Variants in CADM2 observed in about 807,000 individuals in gnomAD.
The protein encoded by CADM2 is cell adhesion molecule 2, also known as immunoglobulin superfamily member 4D.
In CADM2, 12 loss-of-function variants were observed where a neutral mutation model predicts 49.8. The observed-to-expected ratio is 0.24, with a 90% confidence interval of 0.15 to 0.39. The LOEUF (loss-of-function observed/expected upper bound fraction) is 0.39, where lower values mean the gene tolerates loss of function less well. CADM2 is among the 10% of genes least tolerant of loss of function. The pLI, the probability that CADM2 is intolerant of heterozygous loss-of-function variation, is 1.00. For missense variants in CADM2, 378 were observed against 492.3 expected (o/e 0.77, Z 2.20); for synonymous variants, 214 against 175.4 (o/e 1.22, Z -1.74).
chr3:85,495,415 T>C (rs193281033), intron 1 of CADM2, among the ~76,000 whole-genome samples: 96 of 152,268 alleles, frequency 6.3e-4, no homozygotes, highest in African/African-American at 2.1e-3. Flanking sequence ...TCGTTATTTC[T>C]TCCTTTAGCT....
At chr3:85,029,867 C>CA (rs1294316360) in intron 1 of CADM2, among the ~76,000 whole-genome samples, 1 of 152,212 alleles carries the variant, frequency 6.6e-6, no homozygotes, top group Non-Finnish European at 1.5e-5. Flanking sequence ...GGACATTTCT[C>CA]ATGTTCCTTC....
chr3:85,141,483 A>G (rs2039575044), intron 1 of CADM2, among the ~76,000 whole-genome samples: 1 of 152,184 alleles, frequency 6.6e-6, no homozygotes. Flanking sequence ...GATGCTATTC[A>G]TGGAAAAAGA....
intron 1 of CADM2, among the ~76,000 whole-genome samples, chr3:85,427,868 T>C (rs1315028892): frequency 3.9e-5 from 6 of 152,086 alleles, no homozygotes; most frequent in African/African-American, 1.4e-4. Flanking sequence ...TTTCAGTCCT[T>C]ATACGTGAAA....
intron 1 of CADM2, among the ~76,000 whole-genome samples, chr3:85,115,143 C>T (rs2038597409): frequency 6.6e-6 from 1 of 152,184 alleles, no homozygotes. Flanking sequence ...CTTTCTTTAA[C>T]TACTTGAATG....
At chr3:84,974,233 G>GTA (rs35432857) in intron 1 of CADM2, among the ~76,000 whole-genome samples, 47,950 of 148,886 alleles carry the variant, frequency 0.32, 7,745 homozygotes, top group Middle Eastern at 0.36. Flanking sequence ...GTAATTATAT[G>GTA]TATATATATA....
At chr3:85,369,315 T>G (rs1055992063) in intron 1 of CADM2, among the ~76,000 whole-genome samples, 1 of 152,206 alleles carries the variant, frequency 6.6e-6, no homozygotes, top group African/African-American at 2.4e-5. Context: ...ATATCATGAC[T>G]ACATATATGA....
chr3:85,973,733 A>T (rs1726443276), intron 8 of CADM2, among the ~76,000 whole-genome samples: 2 of 151,774 alleles, frequency 1.3e-5, no homozygotes, highest in Admixed American at 1.3e-4. Context: ...AGGGACAGAA[A>T]TGGATATAGA....
chr3:85,531,683 A>T (rs2061313108), intron 1 of CADM2, among the ~76,000 whole-genome samples: 2 of 152,180 alleles, frequency 1.3e-5, no homozygotes, highest in African/African-American at 2.4e-5. Context: ...AGGAAAATAC[A>T]TATCCTTTTA....
At chr3:85,651,908 C>T (rs1014005966) in intron 1 of CADM2, among the ~76,000 whole-genome samples, 7 of 151,014 alleles carry the variant, frequency 4.6e-5, no homozygotes, top group South Asian at 2.1e-4. Flanking sequence ...AGCTCTGCCT[C>T]CCCGGTTCAC....
chr3:86,069,672 G>A lies in CADM2; in HGVS notation c.*2889G>A, dbSNP rs1244679511. On this transcript the variant is annotated 3_prime_UTR_variant, in exon 10 of 10. Coordinates refer to ENST00000383699, the MANE Select transcript of CADM2 (RefSeq NM_001167675.2). ...CTGTCTCTTCTAAGTGAGCACAGTAGGTAGGGAACTCAATGGAAGCAGTGT... is the reference window on the plus strand; with the variant it reads ...CTGTCTCTTCTAAGTGAGCACAGTAAGTAGGGAACTCAATGGAAGCAGTGT... 2 of 151,908 alleles carry A rather than the reference G, an allele frequency of 1.3e-5. No homozygotes were observed. The highest frequency in any genetic ancestry group is 2.4e-5 in the African/African-American group (1 of 41,410). 9.4% of individuals were successfully genotyped at this position (151,908 alleles called of 1,614,324 possible). A position where few individuals can be genotyped will look rare whatever the true frequency, so the allele number is the denominator to read the frequency against.
chr3:86,041,952 G>T (rs376114770), intron 8 of CADM2, among the ~76,000 whole-genome samples: 1 of 152,082 alleles, frequency 6.6e-6, no homozygotes, highest in Non-Finnish European at 1.5e-5. Context: ...CTACGTGGAA[G>T]CTGAACAACC....
chr3:84,999,710 C>T (rs531707214), intron 1 of CADM2, among the ~76,000 whole-genome samples: 14 of 152,204 alleles, frequency 9.2e-5, no homozygotes, highest in East Asian at 1.9e-4. Context: ...CTGCACATGT[C>T]GGCAAATGAC....
chr3:85,389,650 A>C (rs1377681742), intron 1 of CADM2, among the ~76,000 whole-genome samples: 3 of 152,160 alleles, frequency 2.0e-5, no homozygotes, highest in East Asian at 3.9e-4. Context: ...GTTACTAGAG[A>C]CATTTCCTAT....
At chr3:85,726,425 A>G in intron 1 of CADM2, 97 bp from the exon 2 acceptor site, 2 of 1,294,556 alleles carry the variant, frequency 1.5e-6, no homozygotes, top group Non-Finnish European at 2.2e-6. Context: ...TACTCTTTAG[A>G]CTTTAATAGC....
At chr3:85,830,475 G>T (rs184016590) in intron 3 of CADM2, among the ~76,000 whole-genome samples, 1 of 151,928 alleles carries the variant, frequency 6.6e-6, no homozygotes, top group Admixed American at 6.6e-5. Flanking sequence ...CCCATAAGTT[G>T]CCTTTCATTT....
intron 1 of CADM2, among the ~76,000 whole-genome samples, chr3:85,131,341 G>A (rs2039221512): frequency 6.6e-6 from 1 of 152,318 alleles, no homozygotes; most frequent in East Asian, 1.9e-4. Context: ...ATGAGAATAT[G>A]TAAGTTATCT....
Position 85,988,108 on chromosome 3 carries a change from G to A in CADM2, c.970+26461G>A, listed in dbSNP as rs144079076. Among the ~76,000 whole-genome samples the A allele has an allele frequency of 1.6e-4, 24 of 152,262 alleles. No homozygotes were observed. The East Asian group carries it at 4.6e-3, about 29-fold the overall frequency. ...CTTTCTGCCAGGACAATAAATAAGA[G>A]CAAATGCCACAAAGCGTGACTTCTG... On this transcript the variant is annotated intron_variant, in intron 8 of 9. Transcript: ENST00000383699.
intron 1 of CADM2, among the ~76,000 whole-genome samples, chr3:85,310,196 A>G (rs2044309928): frequency 6.6e-6 from 1 of 152,314 alleles, no homozygotes; most frequent in African/African-American, 2.4e-5. Flanking sequence ...TCTTGTTTCA[A>G]ACTTAAAGCA....
intron 1 of CADM2, among the ~76,000 whole-genome samples, chr3:85,415,893 T>A (rs970024287): frequency 6.6e-6 from 1 of 152,106 alleles, no homozygotes; most frequent in African/African-American, 2.4e-5. Flanking sequence ...TATTTAATTA[T>A]TGCAAATTTG....
Sources: allele counts gnomAD v4.1 joint callset (sites outside exome capture counted in the v4.1 genomes callset), GRCh38; gene constraint gnomAD v4.1.1; transcripts MANE v1.5; gene names NCBI Gene and HGNC (gene_info 2026-07-23, HGNC 2026-07-21).